The following PLCB1 variants were observed in gnomAD, a reference collection of about 807,000 sequenced individuals.
PLCB1 encodes phospholipase C beta 1, also known as 1-phosphatidylinositol 4,5-bisphosphate phosphodiesterase beta-1.
Under a neutral mutation model 161.8 loss-of-function variants are expected in PLCB1, and 46 were observed. The observed-to-expected ratio is 0.28, with a 90% confidence interval of 0.22 to 0.36. The LOEUF is 0.36. Among genes scored for constraint, PLCB1 ranks in the 10% least tolerant of loss-of-function variants. The pLI, the probability that PLCB1 is intolerant of heterozygous loss-of-function variation, is 1.00. For missense variants in PLCB1, 1,016 were observed against 1,472.5 expected (o/e 0.69, Z 5.07); for synonymous variants, 517 against 503.7 (o/e 1.03, Z -0.35).
intron 3 of PLCB1, among the ~76,000 whole-genome samples, chr20:8,395,818 T>TA (rs1331486707): frequency 3.3e-5 from 5 of 151,824 alleles, no homozygotes; most frequent in African/African-American, 1.2e-4. Context: ...TTTTCCCATT[T>TA]TAAAAAAAAA....
Position 8,137,067 on chromosome 20 carries a change from G to A in PLCB1, c.99+4317G>A, listed in dbSNP as rs531808035. Among the ~76,000 whole-genome samples, 246 of 152,162 alleles carry A rather than the reference G, an allele frequency of 1.6e-3. 1 individual carries two copies. The highest frequency in any genetic ancestry group is 2.2e-3 in the Non-Finnish European group (150 of 68,046). On this transcript the variant is annotated intron_variant, in intron 1 of 31. Transcript: ENST00000338037. ...ATGAAACTCAGAAGTTTGGATTTGC[G>A]TTAATGCCATCTGGATTTGAATCAA... is the stretch of plus-strand genomic sequence containing the variant.
At chr20:8,638,994 T>C (rs1473016111) in intron 4 of PLCB1, among the ~76,000 whole-genome samples, 1 of 152,214 alleles carries the variant, frequency 6.6e-6, no homozygotes, top group East Asian at 1.9e-4. Flanking sequence ...TTTTCTCATG[T>C]AGCCGGAACC....
intron 9 of PLCB1, among the ~76,000 whole-genome samples, chr20:8,684,159 C>G (rs1990295288): frequency 6.6e-6 from 1 of 152,058 alleles, no homozygotes; most frequent in South Asian, 2.1e-4. Flanking sequence ...GCTGGGATTA[C>G]AGGCGTGAGC....
chr20:8,308,515 G>C (rs1328227647), intron 2 of PLCB1, among the ~76,000 whole-genome samples: 2 of 151,758 alleles, frequency 1.3e-5, no homozygotes, highest in African/African-American at 4.8e-5. Flanking sequence ...TACTCGGGAG[G>C]CTGAGGTAGG....
chr20:8,692,723 G>C (rs1990506131), intron 10 of PLCB1, among the ~76,000 whole-genome samples: 1 of 152,072 alleles, frequency 6.6e-6, no homozygotes, highest in South Asian at 2.1e-4. Flanking sequence ...GTTTCAAGAT[G>C]ACTGTGTACC....
At chr20:8,751,013 G>T in intron 23 of PLCB1, 1 of 381,346 alleles carries the variant, frequency 2.6e-6, no homozygotes, top group South Asian at 2.2e-5. Context: ...TCGGCTCACT[G>T]CAAGCTCCGC....
intron 2 of PLCB1, among the ~76,000 whole-genome samples, chr20:8,210,778 TCAGA>T (rs1375077689): frequency 6.6e-6 from 1 of 152,130 alleles, no homozygotes; most frequent in Non-Finnish European, 1.5e-5. Context: ...GCCCTCAATG[TCAGA>T]CAAACTCTGA....
At chr20:8,206,981 G>GC (rs1978568773) in intron 2 of PLCB1, among the ~76,000 whole-genome samples, 1 of 94,524 alleles carries the variant, frequency 1.1e-5, no homozygotes, top group Non-Finnish European at 2.3e-5. Context: ...AAAATACAAG[G>GC]AGAATAAAAA....
intron 3 of PLCB1, among the ~76,000 whole-genome samples, chr20:8,522,580 A>AG (rs1984395734): frequency 6.6e-6 from 1 of 152,190 alleles, no homozygotes; most frequent in East Asian, 1.9e-4. Flanking sequence ...AGACAAATTA[A>AG]GGAAAATGAG....
At chr20:8,358,347 C>T (rs553875579) in intron 2 of PLCB1, among the ~76,000 whole-genome samples, 2 of 152,242 alleles carry the variant, frequency 1.3e-5, no homozygotes, top group South Asian at 2.1e-4. Flanking sequence ...CTCCCGGGTT[C>T]GAGCGATTCT....
At chr20:8,528,096 A>C (rs1025510753) in intron 3 of PLCB1, among the ~76,000 whole-genome samples, 2 of 152,088 alleles carry the variant, frequency 1.3e-5, no homozygotes, top group African/African-American at 4.8e-5. Flanking sequence ...GAATAACTAC[A>C]TTATGTAAAA....
intron 2 of PLCB1, among the ~76,000 whole-genome samples, chr20:8,280,627 T>C (rs1001633120): frequency 3.3e-5 from 5 of 152,186 alleles, no homozygotes; most frequent in African/African-American, 7.2e-5. Flanking sequence ...TAAAAACAAG[T>C]GTCTTAAATA....
intron 2 of PLCB1, among the ~76,000 whole-genome samples, chr20:8,250,420 T>C (rs931789554): frequency 6.6e-6 from 1 of 151,940 alleles, no homozygotes; most frequent in Non-Finnish European, 1.5e-5. Flanking sequence ...TACTTTATTA[T>C]TTGTAATCTG....
chr20:8,642,704 C>G (rs1430251472), intron 4 of PLCB1, among the ~76,000 whole-genome samples: 1 of 152,106 alleles, frequency 6.6e-6, no homozygotes, highest in African/African-American at 2.4e-5. Context: ...CAATAGAGGA[C>G]GAGATAAATA....
chr20:8,233,788 C>T (rs949426580), intron 2 of PLCB1, among the ~76,000 whole-genome samples: 14 of 152,144 alleles, frequency 9.2e-5, no homozygotes, highest in African/African-American at 3.1e-4. Flanking sequence ...GCTTTAACAG[C>T]ATAGATAAGC....
chr20:8,759,719 C>G (rs1196839152), intron 24 of PLCB1, among the ~76,000 whole-genome samples: 2 of 151,846 alleles, frequency 1.3e-5, no homozygotes, highest in Non-Finnish European at 1.5e-5. Flanking sequence ...AGGCTGGTGT[C>G]GAGCTCCTGA....
At chr20:8,772,262 T>C (rs1982727672) in intron 26 of PLCB1, among the ~76,000 whole-genome samples, 1 of 152,126 alleles carries the variant, frequency 6.6e-6, no homozygotes, top group Admixed American at 6.5e-5. Flanking sequence ...CACACCAATT[T>C]CTTTAATATT....
chr20:8,662,626 T>C (rs888674646), intron 9 of PLCB1, among the ~76,000 whole-genome samples: 2 of 147,454 alleles, frequency 1.4e-5, no homozygotes, highest in African/African-American at 4.9e-5. Flanking sequence ...ATTAATATAA[T>C]ATATAAATAT....
At chr20:8,447,398 T>C (rs1453542785) in intron 3 of PLCB1, among the ~76,000 whole-genome samples, 1 of 152,216 alleles carries the variant, frequency 6.6e-6, no homozygotes, top group Non-Finnish European at 1.5e-5. Flanking sequence ...TAAGTGAATG[T>C]ACATGAAGTG....
Sources: allele counts gnomAD v4.1 joint callset (sites outside exome capture counted in the v4.1 genomes callset), GRCh38; gene constraint gnomAD v4.1.1; transcripts MANE v1.5; gene names NCBI Gene and HGNC (gene_info 2026-07-23, HGNC 2026-07-21).